Variants in AACS observed in about 807,000 individuals in gnomAD.
The protein encoded by AACS is acetoacetate-CoA ligase.
A neutral mutation model predicts 83.1 loss-of-function variants in AACS; 69 were observed. The observed-to-expected ratio is 0.83, with a 90% CI of 0.68 to 1.01. The LOEUF (loss-of-function observed/expected upper bound fraction) is 1.01, where lower values mean the gene tolerates loss of function less well. Ranked by LOEUF, AACS falls within the 50% of genes least tolerant of loss-of-function variation. The pLI is 0.00. For synonymous variants in AACS, 333 were observed against 343.4 expected (o/e 0.97, Z 0.33); for missense variants, 866 against 882.2 (o/e 0.98, Z 0.23).
chr12:125,066,128 GC>G (rs1955684641), intron 1 of AACS, among the ~76,000 whole-genome samples: 1 of 152,110 alleles, frequency 6.6e-6, no homozygotes, highest in Non-Finnish European at 1.5e-5. Flanking sequence ...GGGGTCCCTT[GC>G]CAGTCCCCAG....
chr12:125,102,556 C>G (rs1956735660), intron 5 of AACS, 123 bp from the exon 6 acceptor site: 2 of 807,882 alleles, frequency 2.5e-6, no homozygotes, highest in African/African-American at 1.7e-5. Flanking sequence ...CCTTGAACTC[C>G]TGGGCTCAAG....
chr12:125,090,208 T>TCC lies in AACS; in HGVS notation c.473-1218_473-1217insCC, dbSNP rs1565932091. Among the ~76,000 whole-genome samples the TCC allele has an allele frequency of 1.1e-4, 3 of 26,836 alleles. 1 individual carries two copies. Among genetic ancestry groups the TCC allele is most frequent in the East Asian group, 1.4e-3 (1 of 730 alleles). The allele number at this position is 26,836 out of a possible 152,430, so 17.6% of individuals were successfully genotyped here. A position where few individuals can be genotyped will look rare whatever the true frequency, so the allele number is the denominator to read the frequency against. Reference sequence around the variant, plus strand: ...TCTCTCCATCTACCCATTTACCCATTATCCATCTATCCATCCATTTATTAT... The same window carrying TCC: ...TCTCTCCATCTACCCATTTACCCATTCCATCCATCTATCCATCCATTTATTAT... On this transcript the variant is annotated intron_variant, in intron 4 of 17. Coordinates refer to ENST00000316519, the MANE Select transcript of AACS (RefSeq NM_023928.5).
At chr12:125,105,572 A>G (rs1024832407) in intron 7 of AACS, 1 of 152,248 alleles carries the variant, frequency 6.6e-6, no homozygotes, top group Non-Finnish European at 1.5e-5. Context: ...TTTTCTGAAT[A>G]ATATTCATCA....
chr12:125,094,376 G>A lies in AACS; in HGVS notation c.570+2853G>A, dbSNP rs1956557582. On this transcript the variant is annotated intron_variant, in intron 5 of 17. Transcript: ENST00000316519. This position sits in a 1 kb window ranked among gnomAD's most constrained non-coding sequence, Gnocchi z 4.1. ...ATTTCTTTGAATCTCAGAGAATATCGTAAAGGGAAATTGCCACTCTCCTAC... is the reference window on the plus strand; with the variant it reads ...ATTTCTTTGAATCTCAGAGAATATCATAAAGGGAAATTGCCACTCTCCTAC... Among the ~76,000 whole-genome samples the A allele has an allele frequency of 1.3e-5, 2 of 152,128 alleles. No individual in the cohort carries two copies. The highest frequency in any genetic ancestry group is 2.9e-5 in the Non-Finnish European group (2 of 68,022).
chr12:125,115,702 A>G (rs532461638), intron 9 of AACS, among the ~76,000 whole-genome samples: 1 of 150,534 alleles, frequency 6.6e-6, no homozygotes, highest in East Asian at 2.0e-4. Context: ...GTGACCTCAC[A>G]CAGGTGCAGG....
intron 3 of AACS, among the ~76,000 whole-genome samples, chr12:125,084,272 C>T (rs1198183007): frequency 2.6e-5 from 4 of 151,392 alleles, no homozygotes; most frequent in South Asian, 2.1e-4. Context: ...GAGCTGAGAT[C>T]GCACCACTGC....
chr12:125,138,442 G>T (rs1056363744), intron 17 of AACS: 1 of 152,136 alleles, frequency 6.6e-6, no homozygotes, highest in East Asian at 1.9e-4. Context: ...TCTGATGAGG[G>T]TCTAAGGTTT....
At chr12:125,086,796 T>C (rs1956349216) in intron 4 of AACS, among the ~76,000 whole-genome samples, 1 of 151,262 alleles carries the variant, frequency 6.6e-6, no homozygotes, top group South Asian at 2.1e-4. Flanking sequence ...ATGGGCTTGC[T>C]GGAGGGATGA....
chr12:125,068,840 AT>A (rs1226596733), intron 1 of AACS, among the ~76,000 whole-genome samples: 1 of 105,002 alleles, frequency 9.5e-6, no homozygotes, highest in East Asian at 3.2e-4. Flanking sequence ...ATTTGTGAGC[AT>A]TCTTTTTTTT....
intron 5 of AACS, among the ~76,000 whole-genome samples, chr12:125,099,626 C>T (rs900222163): frequency 1.3e-5 from 2 of 152,162 alleles, no homozygotes; most frequent in African/African-American, 4.8e-5. Context: ...GTGCTTAGGG[C>T]AGCACCTGAC....
chr12:125,096,164 C>T (rs1956603200), intron 5 of AACS, among the ~76,000 whole-genome samples: 1 of 152,176 alleles, frequency 6.6e-6, no homozygotes. Context: ...CGGGGTTTCA[C>T]CATGTTAGCC....
intron 1 of AACS, among the ~76,000 whole-genome samples, chr12:125,073,590 A>G (rs1955936292): frequency 6.6e-6 from 1 of 152,114 alleles, no homozygotes; most frequent in South Asian, 2.1e-4. Context: ...CAGGATTTGA[A>G]CCCGGGCATT....
Position 125,124,703 on chromosome 12 carries a change from A to G in AACS, c.1122-2A>G. 1 of 1,613,838 alleles carries G rather than the reference A, an allele frequency of 6.2e-7. No individual in the cohort carries two copies. Among genetic ancestry groups the G allele is most frequent in the South Asian group, 1.1e-5 (1 of 91,062 alleles). On this transcript the variant is annotated splice_acceptor_variant, in intron 10 of 17. Transcript: ENST00000316519. LOFTEE classifies it high-confidence loss of function. ...GTGTTTTCTTTCCCGCCTGCACCCT[A>G]GCATCACTGTCCTGGTAACTGGGGC... is the stretch of plus-strand genomic sequence containing the variant.
At chr12:125,131,589 A>G (rs1308230762) in intron 14 of AACS, among the ~76,000 whole-genome samples, 1 of 152,116 alleles carries the variant, frequency 6.6e-6, no homozygotes, top group Non-Finnish European at 1.5e-5. Context: ...ATGGGGTTAT[A>G]TGAGTGGTGG....
intron 16 of AACS, 67 bp downstream of exon 16, chr12:125,134,919 C>T (rs2136139504): frequency 6.3e-7 from 1 of 1,581,492 alleles, no homozygotes; most frequent in South Asian, 1.1e-5. Flanking sequence ...GCGGGAGCCC[C>T]AGGAGCCCCA....
At chr12:125,135,605 C>T (rs1398538292) in intron 16 of AACS, among the ~76,000 whole-genome samples, 1 of 152,164 alleles carries the variant, frequency 6.6e-6, no homozygotes, top group Non-Finnish European at 1.5e-5. Context: ...GTCAGATGGC[C>T]TCTTATGCTA....
intron 3 of AACS, among the ~76,000 whole-genome samples, chr12:125,083,604 T>A (rs1956256248): frequency 6.6e-6 from 1 of 152,166 alleles, no homozygotes; most frequent in Admixed American, 6.5e-5. Context: ...TGTGTCACTT[T>A]TAATCTTCTA....
chr12:125,124,867 T>C (rs201191422), intron 11 of AACS, 35 bp from the exon 12 acceptor site: 186 of 1,613,986 alleles, frequency 1.2e-4, no homozygotes, highest in Admixed American at 1.5e-4. Context: ...AGGCACTGGG[T>C]TTAGTTTTAA....
rs1209524772 is a variant in AACS at position 125,075,251 on chromosome 12, G to A, written c.238-1240G>A. Among the ~76,000 whole-genome samples, 5 of 151,454 alleles carry A rather than the reference G, an allele frequency of 3.3e-5. No individual in the cohort carries two copies. In the East Asian group the frequency reaches 9.8e-4, roughly 30 times the overall value. On this transcript the variant is annotated intron_variant, in intron 2 of 17. Coordinates refer to ENST00000316519, the MANE Select transcript of AACS (RefSeq NM_023928.5). ...GCTTTCCAAAGTGCTGGGATTACAGGCATGAGCCACCGTGCCCGGCATTAG... is the reference window on the plus strand; with the variant it reads ...GCTTTCCAAAGTGCTGGGATTACAGACATGAGCCACCGTGCCCGGCATTAG...
Sources: gnomAD v4.1 joint callset for allele counts (sites outside exome capture counted in the v4.1 genomes callset) on GRCh38, gnomAD v4.1.1 for gene constraint, Gnocchi (gnomAD v3.1) non-coding constraint, MANE v1.5 for transcripts, NCBI Gene and HGNC (gene_info 2026-07-23, HGNC 2026-07-21) for gene names.